Variants in TMEM132D observed in about 807,000 individuals in gnomAD.
The protein encoded by TMEM132D is mature OL transmembrane protein.
TMEM132D carries 21 observed loss-of-function variants against 62.3 expected under a neutral mutation model. The observed-to-expected ratio is 0.34, with a 90% CI of 0.24 to 0.49. TMEM132D has a LOEUF of 0.49. Ranked by LOEUF, TMEM132D falls within the 20% of genes least tolerant of loss-of-function variation. TMEM132D has a pLI of 0.99. For synonymous variants in TMEM132D, 621 were observed against 575.6 expected, an observed-to-expected ratio of 1.08 and a Z score of -1.13; for missense variants, 1,346 against 1,402.8, an observed-to-expected ratio of 0.96 and a Z score of 0.65.
At chr12:129,136,568 C>G (rs536889454) in intron 5 of TMEM132D, among the ~76,000 whole-genome samples, 1 of 152,260 alleles carries the variant, frequency 6.6e-6, no homozygotes, top group Non-Finnish European at 1.5e-5. Flanking sequence ...TTTAACAACA[C>G]TATTTGAAAG....
At position 129,081,741 on chromosome 12, in the gene TMEM132D, T is replaced by C; in HGVS notation, c.1923+18A>G. ...GACAGAGAGATCTTGATTTGGGGAT[T>C]TTTTTTTTTTTTTTTACCTGAATGG... On this transcript the variant is annotated intron_variant, in intron 7 of 8. Coordinates refer to ENST00000422113, the MANE Select transcript of TMEM132D (RefSeq NM_133448.3). The C allele has an allele frequency of 4.0e-6, 1 of 252,066 alleles. No homozygotes were observed. The highest frequency in any genetic ancestry group is 5.8e-6 in the Non-Finnish European group (1 of 171,078). 15.6% of individuals were successfully genotyped at this position (252,066 alleles called of 1,614,324 possible). A position where few individuals can be genotyped will look rare whatever the true frequency, so the allele number is the denominator to read the frequency against.
intron 4 of TMEM132D, among the ~76,000 whole-genome samples, chr12:129,276,479 T>C (rs1470669560): frequency 3.3e-5 from 5 of 152,214 alleles, no homozygotes; most frequent in Non-Finnish European, 7.3e-5. Flanking sequence ...CCTTTGTCCA[T>C]AGCATTAAGA....
chr12:129,352,042 G>A (rs1013544970), intron 3 of TMEM132D, among the ~76,000 whole-genome samples: 1 of 152,190 alleles, frequency 6.6e-6, no homozygotes, highest in African/African-American at 2.4e-5. Context: ...AGATATGTCA[G>A]AGGCGTTCGA....
chr12:129,237,883 G>A (rs1434631569), intron 4 of TMEM132D, among the ~76,000 whole-genome samples: 2 of 152,170 alleles, frequency 1.3e-5, no homozygotes, highest in East Asian at 3.9e-4. Flanking sequence ...GGGAGGCTGA[G>A]GCAGGAGAAT....
At chr12:129,674,224 C>T (rs1880573041) in intron 2 of TMEM132D, among the ~76,000 whole-genome samples, 1 of 152,218 alleles carries the variant, frequency 6.6e-6, no homozygotes, top group South Asian at 2.1e-4. Flanking sequence ...CTGGAAGGGA[C>T]TCATTTTCTG....
chr12:129,735,056 G>C (rs138318252), intron 1 of TMEM132D, among the ~76,000 whole-genome samples: 2,838 of 151,878 alleles, frequency 0.019, 46 homozygotes, highest in Non-Finnish European at 0.025. Context: ...AAAGTTAAAG[G>C]CCAGAAAGAT....
At chr12:129,660,472 C>A (rs543942994) in intron 2 of TMEM132D, among the ~76,000 whole-genome samples, 132 of 152,228 alleles carry the variant, frequency 8.7e-4, no homozygotes, top group Non-Finnish European at 1.6e-3. Context: ...ACATGGAGAA[C>A]CCTGTTGCGT....
chr12:129,110,008 C>T (rs1323072157), intron 5 of TMEM132D: 4 of 152,262 alleles, frequency 2.6e-5, no homozygotes, highest in African/African-American at 7.2e-5. Context: ...CCATGCAAGG[C>T]TCCTCTATGG....
chr12:129,296,703 G>A (rs1231482965), intron 4 of TMEM132D, among the ~76,000 whole-genome samples: 1 of 152,182 alleles, frequency 6.6e-6, no homozygotes, highest in Non-Finnish European at 1.5e-5. Flanking sequence ...CAGTAGCTCA[G>A]TCTGTGTTTC....
At chr12:129,292,547 C>T (rs1881474846) in intron 4 of TMEM132D, among the ~76,000 whole-genome samples, 1 of 152,218 alleles carries the variant, frequency 6.6e-6, no homozygotes, top group South Asian at 2.1e-4. Context: ...CTACACTCCT[C>T]ATGAGCATCT....
chr12:129,146,470 A>G (rs1876902403), intron 5 of TMEM132D, among the ~76,000 whole-genome samples: 1 of 152,200 alleles, frequency 6.6e-6, no homozygotes, highest in African/African-American at 2.4e-5. Flanking sequence ...GTCTTTGAAA[A>G]TTATGTGTTA....
intron 1 of TMEM132D, among the ~76,000 whole-genome samples, chr12:129,851,370 C>T (rs962325335): frequency 9.2e-5 from 14 of 152,282 alleles, no homozygotes; most frequent in African/African-American, 2.4e-4. Flanking sequence ...ATTTCCTTCT[C>T]GCAGGCTACT....
At chr12:129,823,479 A>G (rs1185262401) in intron 1 of TMEM132D, among the ~76,000 whole-genome samples, 2 of 152,210 alleles carry the variant, frequency 1.3e-5, no homozygotes, top group African/African-American at 4.8e-5. Context: ...CCTAAAATCC[A>G]CATTTCCGTG....
chr12:129,477,556 C>T (rs1874302564), intron 3 of TMEM132D, among the ~76,000 whole-genome samples: 1 of 152,160 alleles, frequency 6.6e-6, no homozygotes, highest in Non-Finnish European at 1.5e-5. Context: ...TGCCGTGGCT[C>T]ACACCTGTAA....
At chr12:129,444,028 T>C (rs1202168094) in intron 3 of TMEM132D, among the ~76,000 whole-genome samples, 2 of 152,154 alleles carry the variant, frequency 1.3e-5, no homozygotes, top group Non-Finnish European at 2.9e-5. Flanking sequence ...CTTTCCCCAA[T>C]AAATGATGCT....
intron 1 of TMEM132D, among the ~76,000 whole-genome samples, chr12:129,826,885 C>T (rs1872676955): frequency 6.6e-6 from 1 of 152,206 alleles, no homozygotes; most frequent in East Asian, 1.9e-4. Flanking sequence ...AAAATCAAAA[C>T]TCTGCTTTGA....
chr12:129,106,532 A>G (rs1395938765), intron 5 of TMEM132D, among the ~76,000 whole-genome samples: 3 of 152,206 alleles, frequency 2.0e-5, no homozygotes, highest in Non-Finnish European at 4.4e-5. Context: ...CTGTCTCTTG[A>G]TTATACTCTG....
intron 1 of TMEM132D, among the ~76,000 whole-genome samples, chr12:129,880,910 G>T (rs1874571098): frequency 6.6e-6 from 1 of 151,958 alleles, no homozygotes; most frequent in South Asian, 2.1e-4. Flanking sequence ...TGTTTAATCA[G>T]ACCAATTAAA....
At chr12:129,507,464 T>C (rs1875368852) in intron 3 of TMEM132D, among the ~76,000 whole-genome samples, 1 of 152,162 alleles carries the variant, frequency 6.6e-6, no homozygotes, top group East Asian at 1.9e-4. Context: ...CCAACCCAAA[T>C]GATCATCAAT....
Sources: gnomAD v4.1 joint callset for allele counts (sites outside exome capture counted in the v4.1 genomes callset) on GRCh38, gnomAD v4.1.1 for gene constraint, MANE v1.5 for transcripts, NCBI Gene and HGNC (gene_info 2026-07-23, HGNC 2026-07-21) for gene names.